ANKRD33B: variants seen among roughly 807,000 people sequenced by gnomAD.
ANKRD33B encodes ankyrin repeat domain 33B.
ANKRD33B carries 6 observed loss-of-function variants against 21.5 expected under a neutral mutation model. That is an observed-to-expected ratio of 0.28 (90% CI 0.15 to 0.55). ANKRD33B has a LOEUF of 0.55. Ranked by LOEUF, ANKRD33B falls within the 20% of genes least tolerant of loss-of-function variation. The pLI is 0.94. For synonymous variants in ANKRD33B, 347 were observed against 342.4 expected, an observed-to-expected ratio of 1.01 and a Z score of -0.15; for missense variants, 698 against 747.2, an observed-to-expected ratio of 0.93 and a Z score of 0.77.
At chr5:10,582,810 C>G (rs1434707638) in intron 1 of ANKRD33B, among the ~76,000 whole-genome samples, 3 of 152,216 alleles carry the variant, frequency 2.0e-5, no homozygotes, top group Non-Finnish European at 4.4e-5. Flanking sequence ...ACTTTGGACC[C>G]TCATCGCAGT....
chr5:10,657,461 G>T lies in ANKRD33B; in HGVS notation c.*7348G>T, dbSNP rs1486922231. The stretch of plus-strand genomic sequence containing the variant: ...CATTGTCATTTCTAATAATCCAGTA[G>T]GTTTCTGGATATTGTAAAGATACTG... On this transcript the variant is annotated 3_prime_UTR_variant, in exon 4 of 4. Coordinates refer to ENST00000296657, the MANE Select transcript of ANKRD33B (RefSeq NM_001164440.2). 6.6e-6 allele frequency: 1 copy of T among 152,258 alleles called. No individual in the cohort carries two copies. The highest frequency in any genetic ancestry group is 2.4e-5 in the African/African-American group (1 of 41,418). The allele number at this position is 152,258 out of a possible 1,614,324, so 9.4% of individuals were successfully genotyped here.
Position 10,650,669 on chromosome 5 carries a change from A to T in ANKRD33B, c.*556A>T, listed in dbSNP as rs967324788. On this transcript the variant is annotated 3_prime_UTR_variant, in exon 4 of 4. Coordinates refer to ENST00000296657, the MANE Select transcript of ANKRD33B (RefSeq NM_001164440.2). ...AGGTGCACACTGGATGTTCTTAGTCATTAGATTAAGTGTTGCCGGATATTT... is the reference window on the plus strand; with the variant it reads ...AGGTGCACACTGGATGTTCTTAGTCTTTAGATTAAGTGTTGCCGGATATTT... 1 of 152,338 alleles carries T rather than the reference A, an allele frequency of 6.6e-6. No homozygotes were observed. The highest frequency in any genetic ancestry group is 2.4e-5 in the African/African-American group (1 of 41,458). 9.4% of individuals were successfully genotyped at this position (152,338 alleles called of 1,614,324 possible).
chr5:10,601,816 C>T (rs2126568972), intron 1 of ANKRD33B, among the ~76,000 whole-genome samples: 1 of 152,348 alleles, frequency 6.6e-6, no homozygotes, highest in Middle Eastern at 3.4e-3. Context: ...GTACAAGCCA[C>T]AATATCTCGA....
intron 1 of ANKRD33B, among the ~76,000 whole-genome samples, chr5:10,600,174 T>C (rs950190926): frequency 9.9e-5 from 15 of 152,276 alleles, no homozygotes; most frequent in African/African-American, 3.1e-4. Flanking sequence ...CTTTTTCTGC[T>C]ATCATTACTT....
intron 1 of ANKRD33B, among the ~76,000 whole-genome samples, chr5:10,601,138 G>A (rs1376535072): frequency 1.3e-5 from 2 of 152,038 alleles, no homozygotes; most frequent in East Asian, 3.8e-4. Flanking sequence ...TAGGGTTGGG[G>A]GGCATATATT....
chr5:10,577,371 C>T (rs888515213), intron 1 of ANKRD33B, among the ~76,000 whole-genome samples: 1 of 152,210 alleles, frequency 6.6e-6, no homozygotes, highest in African/African-American at 2.4e-5. Context: ...CTCAAGTGAT[C>T]CACCAGCCTC....
At position 10,618,413 on chromosome 5, in the gene ANKRD33B, C is replaced by T. The variant is rs1194157868; in HGVS notation, c.447C>T (p.Asn149=). The change falls in exon 2 of 4, where the codon AAC becomes AAT. Residue 149 remains asparagine (N), a synonymous_variant. Coordinates refer to ENST00000296657, the MANE Select transcript of ANKRD33B (RefSeq NM_001164440.2). ...ALAECPHVDV[N]WQDSEGNTAL... Reference sequence around the variant, plus strand: ...CAGAGTGCCCCCACGTTGACGTCAACTGGCAGGACAGCGAGGGGAACACAG... The same window carrying T: ...CAGAGTGCCCCCACGTTGACGTCAATTGGCAGGACAGCGAGGGGAACACAG... 4.6e-6 allele frequency: 7 copies of T among 1,537,518 alleles called. No individual in the cohort carries two copies. The highest frequency in any genetic ancestry group is 8.7e-7 in the Non-Finnish European group (1 of 1,146,962).
In ANKRD33B at chr5:10,614,780, G is replaced by A. The variant is rs143389584; in HGVS notation, c.367-3553G>A. Among the ~76,000 whole-genome samples, 1,516 of 152,164 alleles carry A rather than the reference G, an allele frequency of 1.0e-2. 15 individuals carry two copies. Among genetic ancestry groups the A allele is most frequent in the African/African-American group, 0.032 (1,325 of 41,502 alleles). On this transcript the variant is annotated intron_variant, in intron 1 of 3. Transcript: ENST00000296657. ...CAGGCACCTGTAGTCCTAGCTACTC[G>A]GGAGTCTGAGGCAGGAGAATTGCTT...
intron 1 of ANKRD33B, among the ~76,000 whole-genome samples, chr5:10,578,818 T>C (rs1222514018): frequency 8.5e-5 from 13 of 152,174 alleles, no homozygotes. Flanking sequence ...TTTTTAGAGA[T>C]AGTGACTTAC....
At chr5:10,569,511 G>A (rs1274453387) in intron 1 of ANKRD33B, among the ~76,000 whole-genome samples, 1 of 152,090 alleles carries the variant, frequency 6.6e-6, no homozygotes, top group Non-Finnish European at 1.5e-5. Flanking sequence ...CAGGAGACTC[G>A]CTTGAGCCCA....
chr5:10,649,422 C>T lies in ANKRD33B; in HGVS notation c.794C>T (p.Pro265Leu), dbSNP rs1479373556. The change falls in exon 4 of 4, where the codon CCG (proline) becomes CTG (leucine). Residue 265 changes from proline (P) to leucine (L), a missense_variant. Around this residue, in one of 3 missense-constraint regions of ANKRD33B, gnomAD observed 543 missense variants for 566.5 expected, o/e 0.96. Transcript: ENST00000296657. ...FWEKYRPELP[P>L]PPEAARKPAG... is the part of the protein sequence containing the mutation. ...GAGAAGTACCGGCCCGAGCTGCCGC[C>T]GCCCCCTGAAGCGGCGCGGAAGCCC... 5.2e-6 allele frequency: 8 copies of T among 1,535,308 alleles called. No individual in the cohort carries two copies. The highest frequency in any genetic ancestry group is 1.4e-5 in the African/African-American group (1 of 73,030).
At chr5:10,631,979 G>A (rs1007976460) in intron 2 of ANKRD33B, among the ~76,000 whole-genome samples, 50 of 152,134 alleles carry the variant, frequency 3.3e-4, no homozygotes, top group African/African-American at 5.1e-4. Context: ...TCTTTAGAAC[G>A]GGCTGGTTTC....
chr5:10,641,225 CTTTTTTTTT>C (rs772445527), intron 3 of ANKRD33B, among the ~76,000 whole-genome samples: 2 of 77,448 alleles, frequency 2.6e-5, no homozygotes, highest in African/African-American at 8.6e-5. Flanking sequence ...TCTTCTTCTT[CTTTTTTTTT>C]TTTTTTTTTT....
At position 10,650,581 on chromosome 5, in the gene ANKRD33B, A is replaced by G. The variant is rs563425512; in HGVS notation, c.*468A>G. ...GTATCCATGATACCTGTATGAGTTC[A>G]CACAGACATCATGGGATTCTCCCCT... is the stretch of plus-strand genomic sequence containing the variant. On this transcript the variant is annotated 3_prime_UTR_variant, in exon 4 of 4. Coordinates refer to ENST00000296657, the MANE Select transcript of ANKRD33B (RefSeq NM_001164440.2). 3 of 152,636 alleles carry G rather than the reference A, an allele frequency of 2.0e-5. No homozygotes were observed. Among genetic ancestry groups the G allele is most frequent in the African/African-American group, 7.2e-5 (3 of 41,588 alleles). The allele number at this position is 152,636 out of a possible 1,614,324, so 9.5% of individuals were successfully genotyped here.
intron 2 of ANKRD33B, among the ~76,000 whole-genome samples, chr5:10,626,548 T>G (rs1736551782): frequency 6.6e-6 from 1 of 152,212 alleles, no homozygotes; most frequent in African/African-American, 2.4e-5. Context: ...TGCCTTCTCT[T>G]GCAACACAAG....
intron 2 of ANKRD33B, among the ~76,000 whole-genome samples, chr5:10,635,843 T>C (rs577485328): frequency 6.8e-6 from 1 of 147,392 alleles, no homozygotes; most frequent in East Asian, 2.0e-4. Flanking sequence ...ATCGGAGGGT[T>C]TCATATTGGA....
At chr5:10,577,939 G>A (rs889066257) in intron 1 of ANKRD33B, among the ~76,000 whole-genome samples, 16 of 152,146 alleles carry the variant, frequency 1.1e-4, no homozygotes, top group African/African-American at 3.6e-4. Flanking sequence ...AGGGGGACCT[G>A]TTTCCTTGGG....
chr5:10,595,408 G>C (rs1443644490), intron 1 of ANKRD33B, among the ~76,000 whole-genome samples: 1 of 152,196 alleles, frequency 6.6e-6, no homozygotes, highest in Non-Finnish European at 1.5e-5. Context: ...TCTGCGGTCT[G>C]TGACAGCATC....
chr5:10,600,652 G>C (rs1735908867), intron 1 of ANKRD33B, among the ~76,000 whole-genome samples: 1 of 152,312 alleles, frequency 6.6e-6, no homozygotes, highest in East Asian at 1.9e-4. Flanking sequence ...TGTGGATATA[G>C]ACTTTAATTT....
Sources: allele counts gnomAD v4.1 joint callset (sites outside exome capture counted in the v4.1 genomes callset), GRCh38; gene constraint gnomAD v4.1.1; regional missense constraint gnomAD v4.1.1; transcripts MANE v1.5; gene names NCBI Gene and HGNC (gene_info 2026-07-23, HGNC 2026-07-21).